The following MIER2 variants were observed in gnomAD, a reference collection of about 807,000 sequenced individuals.
MIER2 encodes the protein mesoderm induction early response protein 2.
Under a neutral mutation model 67.6 loss-of-function variants are expected in MIER2, and 30 were observed. That is an observed-to-expected ratio of 0.44 (90% confidence interval 0.33 to 0.60). The LOEUF (loss-of-function observed/expected upper bound fraction) is 0.60, where lower values mean the gene tolerates loss of function less well. MIER2 is among the 20% of genes least tolerant of loss of function. MIER2 has a pLI of 0.02. For synonymous variants in MIER2, 372 were observed against 312.6 expected (o/e 1.19, Z -2.00); for missense variants, 702 against 745.1 (o/e 0.94, Z 0.67).
intron 7 of MIER2, among the ~76,000 whole-genome samples, chr19:317,244 T>A (rs912632487): frequency 2.2e-5 from 3 of 138,320 alleles, no homozygotes; most frequent in Non-Finnish European, 1.6e-5. Context: ...AATACAAAAT[T>A]AGGCCGGGCG....
chr19:344,103 G>A (rs951676742), intron 1 of MIER2: 1 of 985,324 alleles, frequency 1.0e-6, no homozygotes, highest in African/African-American at 1.7e-5. Context: ...GGACGAGGGA[G>A]GAGGCTCCAG....
chr19:339,773 TAG>T lies in MIER2; in HGVS notation c.10-3602_10-3601del, dbSNP rs558314055. 4.1e-5 allele frequency among the ~76,000 whole-genome samples: 6 copies of T among 147,306 alleles called. No individual in the cohort carries two copies. In the South Asian group the frequency reaches 1.3e-3, roughly 31 times the overall value. ...CAAATGTCTAGAGCAGGCAAATTCG[TAG>T]AGACAGAAAATGGATTCCTGGTGGA... On this transcript the variant is annotated intron_variant, in intron 1 of 13. Coordinates refer to ENST00000264819, the MANE Select transcript of MIER2 (RefSeq NM_017550.3).
intron 1 of MIER2, among the ~76,000 whole-genome samples, chr19:341,730 G>A (rs190419121): frequency 1.3e-5 from 2 of 152,068 alleles, no homozygotes; most frequent in African/African-American, 4.8e-5. Flanking sequence ...AGGAAAAAGA[G>A]GGGGAGCAGG....
intron 1 of MIER2, among the ~76,000 whole-genome samples, chr19:342,015 G>A (rs2145575786): frequency 6.6e-6 from 1 of 152,216 alleles, no homozygotes; most frequent in South Asian, 2.1e-4. Context: ...AGGGTGGCAG[G>A]TTCCATTCGC....
At chr19:340,896 C>T (rs755076942) in intron 1 of MIER2, among the ~76,000 whole-genome samples, 2 of 152,062 alleles carry the variant, frequency 1.3e-5, no homozygotes, top group Non-Finnish European at 2.9e-5. Flanking sequence ...AGCAGGGCCC[C>T]CAGGGGGAAG....
At chr19:310,681 G>GC in intron 10 of MIER2, among the ~76,000 whole-genome samples, 1 of 149,112 alleles carries the variant, frequency 6.7e-6, no homozygotes, top group Non-Finnish European at 1.5e-5. Flanking sequence ...CAGAAACACA[G>GC]CCCAGAGCTA....
chr19:341,141 G>C (rs1043752187), intron 1 of MIER2, among the ~76,000 whole-genome samples: 2 of 152,314 alleles, frequency 1.3e-5, no homozygotes. Context: ...AGGACCCTCT[G>C]GGTAGGGGTC....
chr19:316,699 C>T (rs561291181), intron 7 of MIER2, among the ~76,000 whole-genome samples: 4 of 152,156 alleles, frequency 2.6e-5, no homozygotes, highest in Admixed American at 6.5e-5. Flanking sequence ...CTGTGAGGCC[C>T]GGTGTGGTGG....
At chr19:337,096 G>A (rs1396778729) in intron 1 of MIER2, among the ~76,000 whole-genome samples, 4 of 152,094 alleles carry the variant, frequency 2.6e-5, no homozygotes, top group Admixed American at 2.0e-4. Flanking sequence ...CGCCCGCCTC[G>A]GCCTCCCAAA....
chr19:326,883 T>C, intron 5 of MIER2: 1 of 588,012 alleles, frequency 1.7e-6, no homozygotes. Context: ...GGGAATGCTG[T>C]CCCTGGATCT....
At position 334,695 on chromosome 19, in the gene MIER2, G is replaced by A. The variant is rs548969033; in HGVS notation, c.101-153C>T. On this transcript the variant is annotated intron_variant, in intron 2 of 13. Coordinates refer to ENST00000264819, the MANE Select transcript of MIER2 (RefSeq NM_017550.3). ...GAGGGAACCCAACAGGACACCCCAC[G>A]ACTAATGCACACAGGAGCACGGCTG... Among the ~76,000 whole-genome samples, 10 of 152,266 alleles carry A rather than the reference G, an allele frequency of 6.6e-5. No homozygotes were observed. The Middle Eastern group carries it at 0.01, about 155-fold the overall frequency.
intron 7 of MIER2, among the ~76,000 whole-genome samples, chr19:319,941 G>A (rs1971428865): frequency 6.6e-6 from 1 of 152,186 alleles, no homozygotes; most frequent in Admixed American, 6.6e-5. Flanking sequence ...AAACTGAGGA[G>A]GGAAGGGATT....
intron 1 of MIER2, among the ~76,000 whole-genome samples, chr19:337,209 A>G (rs1316319268): frequency 6.6e-6 from 1 of 152,228 alleles, no homozygotes; most frequent in Non-Finnish European, 1.5e-5. Context: ...CCAGCAACAC[A>G]TAAAGATGAT....
Position 306,486 on chromosome 19 carries a change from TG to T in MIER2, c.*203del. 1.4e-6 allele frequency: 1 copy of T among 697,714 alleles called. No homozygotes were observed. The highest frequency in any genetic ancestry group is 2.4e-6 in the Non-Finnish European group (1 of 423,546). 43.2% of individuals were successfully genotyped at this position (697,714 alleles called of 1,614,324 possible). ...AGTGCCGGGCGCTGACGGCGCTGGGTGGGGCCGTGGGTCCATTCTGTGTGGA... is the reference window on the plus strand; with the variant it reads ...AGTGCCGGGCGCTGACGGCGCTGGGTGGGCCGTGGGTCCATTCTGTGTGGA... On this transcript the variant is annotated 3_prime_UTR_variant, in exon 14 of 14. Transcript: ENST00000264819.
At chr19:337,495 C>T (rs1391404013) in intron 1 of MIER2, among the ~76,000 whole-genome samples, 1 of 152,160 alleles carries the variant, frequency 6.6e-6, no homozygotes, top group Non-Finnish European at 1.5e-5. Context: ...AGCACCACAA[C>T]GTGTACTCTC....
rs10421231 is a variant in MIER2, at chr19:327,923, C to A, written c.310G>T (p.Asp104Tyr). The A allele has an allele frequency of 1.9e-6, 3 of 1,613,108 alleles. No homozygotes were observed. The highest frequency in any genetic ancestry group is 1.1e-5 in the South Asian group (1 of 91,024). The part of the protein sequence containing the change: ...YGYEASDPIS[D>Y]RESEGGDVAP... The stretch of plus-strand genomic sequence containing the variant: ...ACGTCACCACCCTCACTCTCCCGGT[C>A]TGAAATGGGGTCTGACGCCTCGTAG... The change falls in exon 4 of 14, where the codon GAC (aspartate) becomes TAC (tyrosine). Residue 104 changes from aspartate (D) to tyrosine (Y), a missense_variant. Transcript: ENST00000264819.
chr19:344,385 G>C, intron 1 of MIER2: 1 of 984,534 alleles, frequency 1.0e-6, no homozygotes, highest in Middle Eastern at 5.2e-4. Context: ...GGGAGGGGAG[G>C]CCTGCGCGCC....
intron 13 of MIER2, 47 bp from the exon 14 acceptor site, chr19:306,758 C>T: frequency 4.5e-6 from 7 of 1,552,448 alleles, no homozygotes; most frequent in Non-Finnish European, 6.1e-6. Flanking sequence ...CAGTGCGGCC[C>T]CACGTGCCTG....
At position 306,541 on chromosome 19, in the gene MIER2, C is replaced by A; in HGVS notation, c.*149G>T. The stretch of plus-strand genomic sequence containing the variant: ...GGGCAAGGGCTCACGGCCCAGCCAC[C>A]TCACCCCAGTCCTGACGTGTTCTGA... On this transcript the variant is annotated 3_prime_UTR_variant, in exon 14 of 14. Coordinates refer to ENST00000264819, the MANE Select transcript of MIER2 (RefSeq NM_017550.3). 1.8e-6 allele frequency: 2 copies of A among 1,091,140 alleles called. No individual in the cohort carries two copies. The highest frequency in any genetic ancestry group is 2.7e-6 in the Non-Finnish European group (2 of 751,766). 67.6% of individuals were successfully genotyped at this position (1,091,140 alleles called of 1,614,324 possible).
Sources: allele counts gnomAD v4.1 joint callset (sites outside exome capture counted in the v4.1 genomes callset), GRCh38; gene constraint gnomAD v4.1.1; transcripts MANE v1.5; gene names NCBI Gene and HGNC (gene_info 2026-07-23, HGNC 2026-07-21).